The following SERPINB9 variants were observed in gnomAD, a reference collection of about 807,000 sequenced individuals.
SERPINB9 encodes serpin family B member 9, also known as serpin B9.
SERPINB9 carries 20 observed loss-of-function variants against 27.2 expected under a neutral mutation model. The ratio of observed to expected loss-of-function variants is 0.74; its 90% confidence interval spans 0.52 to 1.07. The LOEUF (loss-of-function observed/expected upper bound fraction) is 1.07. SERPINB9 is among the 50% of genes least tolerant of loss of function. The pLI is 0.00. For synonymous variants in SERPINB9, 189 were observed against 180.0 expected (o/e 1.05, Z -0.40); for missense variants, 476 against 460.1 (o/e 1.03, Z -0.32).
intron 4 of SERPINB9, 55 bp from the exon 5 acceptor site, chr6:2,893,608 T>C (rs1767899831): frequency 6.7e-7 from 1 of 1,483,738 alleles, no homozygotes; most frequent in Non-Finnish European, 9.3e-7. Context: ...ACCTGATGCA[T>C]TGGATGATCC....
chr6:2,890,719 G>A lies in SERPINB9; in HGVS notation c.724-149C>T, dbSNP rs1348383094. On this transcript the variant is annotated intron_variant, in intron 6 of 6. Transcript: ENST00000380698. The surrounding 1 kb of genome is among the most constrained non-coding windows in gnomAD (Gnocchi z 6.2). ...CCCTTCATCTGCCAGAAGCTTGTGA[G>A]CACTCTTACTTGTCCTATGTCCCAT... 1.4e-6 allele frequency: 1 copy of A among 734,716 alleles called. No homozygotes were observed. Among genetic ancestry groups the A allele is most frequent in the Non-Finnish European group, 2.2e-6 (1 of 452,794 alleles). 45.5% of individuals were successfully genotyped at this position (734,716 alleles called of 1,614,324 possible). A position where few individuals can be genotyped will look rare whatever the true frequency, so the allele number is the denominator to read the frequency against.
intron 5 of SERPINB9, among the ~76,000 whole-genome samples, chr6:2,893,139 G>A (rs1459493301): frequency 1.5e-5 from 1 of 67,226 alleles, no homozygotes; most frequent in Admixed American, 1.6e-4. Flanking sequence ...GGCAGCAATG[G>A]TTTATGAGAA....
chr6:2,890,129 A>AG lies in SERPINB9; in HGVS notation c.*33dup. On this transcript the variant is annotated 3_prime_UTR_variant, in exon 7 of 7. Coordinates refer to ENST00000380698, the MANE Select transcript of SERPINB9 (RefSeq NM_004155.6). This position sits in a 1 kb window ranked among gnomAD's most constrained non-coding sequence, Gnocchi z 6.2. ...AGTGGGGATCTGGGGACACAGGAAGAGGGAAATGGCCGAGTGCACGGTAAG... is the reference window on the plus strand; with the variant it reads ...AGTGGGGATCTGGGGACACAGGAAGAGGGGAAATGGCCGAGTGCACGGTAAG... 6.3e-7 allele frequency: 1 copy of AG among 1,587,460 alleles called. No individual in the cohort carries two copies. Among genetic ancestry groups the AG allele is most frequent in the Admixed American group, 1.8e-5 (1 of 57,016 alleles).
At position 2,894,413 on chromosome 6, in the gene SERPINB9, A is replaced by G. The variant is rs1767924603; in HGVS notation, c.425-860T>C. 6.6e-6 allele frequency among the ~76,000 whole-genome samples: 1 copy of G among 152,234 alleles called. No individual in the cohort carries two copies. Among genetic ancestry groups the G allele is most frequent in the Non-Finnish European group, 1.5e-5 (1 of 68,038 alleles). ...TCTGAAATGTAGATGAATAAGGTTC[A>G]ACCCCAAATGGAGGGTATTTTCAGT... On this transcript the variant is annotated intron_variant, in intron 4 of 6. Transcript: ENST00000380698. This position sits in a 1 kb window ranked among gnomAD's most constrained non-coding sequence, Gnocchi z 4.7.
chr6:2,898,823 A>G (rs1387374118), intron 2 of SERPINB9, among the ~76,000 whole-genome samples: 1 of 152,042 alleles, frequency 6.6e-6, no homozygotes, highest in Non-Finnish European at 1.5e-5. Context: ...CGAAAAAAAA[A>G]AAAAGAAATA....
Position 2,890,209 on chromosome 6 carries a change from T to C in SERPINB9, c.1085A>G (p.Asn362Ser). Residue 362 changes from asparagine to serine, a missense_variant, in exon 7 of 7, where the codon AAC (asparagine) becomes AGC (serine). Coordinates refer to ENST00000380698, the MANE Select transcript of SERPINB9 (RefSeq NM_004155.6). The surrounding 1 kb of genome is among the most constrained non-coding windows in gnomAD (Gnocchi z 6.2). The stretch of plus-strand genomic sequence containing the variant: ...ACAGAACAGAATGCTGTTGGCTCTG[T>C]TGTGCCTGATGAAGAAAAGGAAAGG... ...DHPFLFFIRH[N>S]RANSILFCGR... 6.2e-7 allele frequency: 1 copy of C among 1,614,186 alleles called. No individual in the cohort carries two copies. Among genetic ancestry groups the C allele is most frequent in the Non-Finnish European group, 8.5e-7 (1 of 1,180,028 alleles).
At chr6:2,901,635 G>A (rs1318303670) in intron 1 of SERPINB9, among the ~76,000 whole-genome samples, 1 of 152,078 alleles carries the variant, frequency 6.6e-6, no homozygotes, top group African/African-American at 2.4e-5. Flanking sequence ...CCACCCCCAG[G>A]CTGCAGTTCC....
Position 2,893,437 on chromosome 6 carries a change from T to G in SERPINB9, c.541A>C (p.Arg181=), listed in dbSNP as rs775787812. ...TGGTTTATTTTAAAGGGCATTTCCC[T>G]TGTGTATGTTTCGTCAAACGGTTCA... is the stretch of plus-strand genomic sequence containing the variant. ...WNEPFDETYT[R]EMPFKINQEE... Residue 181 remains arginine, a synonymous_variant, in exon 5 of 7, where the codon AGG becomes CGG. Coordinates refer to ENST00000380698, the MANE Select transcript of SERPINB9 (RefSeq NM_004155.6). 20 of 1,612,684 alleles carry G rather than the reference T, an allele frequency of 1.2e-5. No homozygotes were observed. Among genetic ancestry groups the G allele is most frequent in the Non-Finnish European group, 1.7e-5 (20 of 1,179,324 alleles).
At chr6:2,898,384 CACT>C (rs1768074708) in intron 2 of SERPINB9, among the ~76,000 whole-genome samples, 1 of 152,142 alleles carries the variant, frequency 6.6e-6, no homozygotes, top group Admixed American at 6.5e-5. Flanking sequence ...GCTGTGACAC[CACT>C]ATTACTATTC....
chr6:2,888,956 C>T lies in SERPINB9; in HGVS notation c.*1207G>A, dbSNP rs1767683386. On this transcript the variant is annotated 3_prime_UTR_variant, in exon 7 of 7. Coordinates refer to ENST00000380698, the MANE Select transcript of SERPINB9 (RefSeq NM_004155.6). ...ACTTATTACTGCACTATGAGGGGCACCCAGATATGTAAGACAGAGTCCCAA... is the reference window on the plus strand; with the variant it reads ...ACTTATTACTGCACTATGAGGGGCATCCAGATATGTAAGACAGAGTCCCAA... The T allele has an allele frequency of 6.6e-6, 1 of 151,992 alleles. No homozygotes were observed. Among genetic ancestry groups the T allele is most frequent in the Non-Finnish European group, 1.5e-5 (1 of 68,016 alleles). The allele number at this position is 151,992 out of a possible 1,614,324, so 9.4% of individuals were successfully genotyped here.
rs1183646662 is a variant in SERPINB9, at chr6:2,891,101, GC to G, written c.724-532del. ...TTTCAGGAAGGTGGGCAGAGGGAGA[GC>G]CAATGGCTGCTGCGCACACAGACCT... On this transcript the variant is annotated intron_variant, in intron 6 of 6. Coordinates refer to ENST00000380698, the MANE Select transcript of SERPINB9 (RefSeq NM_004155.6). The surrounding 1 kb of genome is among the most constrained non-coding windows in gnomAD (Gnocchi z 4.0). 6.6e-6 allele frequency among the ~76,000 whole-genome samples: 1 copy of G among 152,182 alleles called. No homozygotes were observed. Among genetic ancestry groups the G allele is most frequent in the East Asian group, 1.9e-4 (1 of 5,198 alleles).
chr6:2,893,374 TC>T (rs1415729177), intron 5 of SERPINB9, 36 bp downstream of exon 5: 1 of 1,578,622 alleles, frequency 6.3e-7, no homozygotes, highest in South Asian at 1.2e-5. Context: ...TTCAACTTCT[TC>T]ATCAAACTAG....
At position 2,887,400 on chromosome 6, in the gene SERPINB9, A is replaced by G. The variant is rs1046621913; in HGVS notation, c.*2763T>C. The G allele has an allele frequency of 2.0e-5, 3 of 152,254 alleles. No homozygotes were observed. Among genetic ancestry groups the G allele is most frequent in the Non-Finnish European group, 2.9e-5 (2 of 68,038 alleles). 9.4% of individuals were successfully genotyped at this position (152,254 alleles called of 1,614,324 possible). A position where few individuals can be genotyped will look rare whatever the true frequency, so the allele number is the denominator to read the frequency against. On this transcript the variant is annotated 3_prime_UTR_variant, in exon 7 of 7. Coordinates refer to ENST00000380698, the MANE Select transcript of SERPINB9 (RefSeq NM_004155.6). ...ATAGGCAAAGACATATGTAAAAACG[A>G]AGCAGAAAAGTAGGTGTATGAATGA...
chr6:2,898,815 A>G (rs566321207), intron 2 of SERPINB9, among the ~76,000 whole-genome samples: 4 of 143,622 alleles, frequency 2.8e-5, no homozygotes, highest in Admixed American at 1.4e-4. Flanking sequence ...CTCTGTCTCG[A>G]AAAAAAAAAA....
rs938001126 is a variant in SERPINB9, at chr6:2,888,824, T to G, written c.*1339A>C. On this transcript the variant is annotated 3_prime_UTR_variant, in exon 7 of 7. Transcript: ENST00000380698. ...ACTTCTCACTTTAAAATAGTTAATT[T>G]TATGTTATGTGAAGTTTACCTCAAT... The G allele has an allele frequency of 5.9e-5, 9 of 152,078 alleles. No individual in the cohort carries two copies. The highest frequency in any genetic ancestry group is 1.0e-4 in the Non-Finnish European group (7 of 68,020). 9.4% of individuals were successfully genotyped at this position (152,078 alleles called of 1,614,324 possible). A position where few individuals can be genotyped will look rare whatever the true frequency, so the allele number is the denominator to read the frequency against.
In SERPINB9 at chr6:2,894,840, G is replaced by A. The variant is rs1767937814; in HGVS notation, c.424+551C>T. On this transcript the variant is annotated intron_variant, in intron 4 of 6. Transcript: ENST00000380698. The surrounding 1 kb of genome is among the most constrained non-coding windows in gnomAD (Gnocchi z 4.7). ...GCTCACTACAACTTCTGCCTCCCAG[G>A]TTCAAGTGATTCTCATGTCTCAGCC... 6.6e-6 allele frequency among the ~76,000 whole-genome samples: 1 copy of A among 151,640 alleles called. No homozygotes were observed. The highest frequency in any genetic ancestry group is 2.4e-5 in the African/African-American group (1 of 41,100).
Position 2,895,431 on chromosome 6 carries a change from G to T in SERPINB9, c.384C>A (p.Ser128=). 1 of 1,613,436 alleles carries T rather than the reference G, an allele frequency of 6.2e-7. No individual in the cohort carries two copies. Among genetic ancestry groups the T allele is most frequent in the African/African-American group, 1.3e-5 (1 of 74,940 alleles). The stretch of plus-strand genomic sequence containing the variant: ...AGACCCAGGTGTTGATGTGTTTCCT[G>T]GACTCTTCTGCAGCTCTGATAAAGG... The part of the protein sequence containing the change: ...ELSFIRAAEE[S]RKHINTWVSK... Residue 128 remains serine, a synonymous_variant, in exon 4 of 7, where the codon TCC becomes TCA. Transcript: ENST00000380698.
chr6:2,891,938 G>A lies in SERPINB9; in HGVS notation c.618C>T (p.Leu206=), dbSNP rs753750056. The A allele has an allele frequency of 2.3e-5, 37 of 1,613,034 alleles. No individual in the cohort carries two copies. The highest frequency in any genetic ancestry group is 7.7e-5 in the South Asian group (7 of 91,054). Residue 206 remains leucine, a synonymous_variant, in exon 6 of 7, where the codon CTC becomes CTT. Transcript: ENST00000380698. This position sits in a 1 kb window ranked among gnomAD's most constrained non-coding sequence, Gnocchi z 4.0. ...GCGCGCGCACCTCGCCCACGTGGGC[G>A]AGCTTAAACGTGGCCTCCTGATACA... is the stretch of plus-strand genomic sequence containing the variant. ...QMMYQEATFK[L]AHVGEVRAQL...
Position 2,891,950 on chromosome 6 carries a change from G to A in SERPINB9, c.606C>T (p.Ala202=), listed in dbSNP as rs778583860. 2 of 1,613,290 alleles carry A rather than the reference G, an allele frequency of 1.2e-6. No individual in the cohort carries two copies. Among genetic ancestry groups the A allele is most frequent in the Non-Finnish European group, 8.5e-7 (1 of 1,179,876 alleles). ...CGCCCACGTGGGCGAGCTTAAACGTGGCCTCCTGATACATCATCTGCACTG... is the reference window on the plus strand; with the variant it reads ...CGCCCACGTGGGCGAGCTTAAACGTAGCCTCCTGATACATCATCTGCACTG... The part of the protein sequence containing the change: ...QRPVQMMYQE[A]TFKLAHVGEV... The change falls in exon 6 of 7, where the codon GCC becomes GCT. Residue 202 remains alanine (A), a synonymous_variant. Transcript: ENST00000380698. This position sits in a 1 kb window ranked among gnomAD's most constrained non-coding sequence, Gnocchi z 4.0.
Sources: gnomAD v4.1 joint callset for allele counts (sites outside exome capture counted in the v4.1 genomes callset) on GRCh38, gnomAD v4.1.1 for gene constraint, Gnocchi (gnomAD v3.1) non-coding constraint, MANE v1.5 for transcripts, NCBI Gene and HGNC (gene_info 2026-07-23, HGNC 2026-07-21) for gene names.